CA10: variants seen among roughly 807,000 people sequenced by gnomAD.
The protein encoded by CA10 is carbonic anhydrase-related protein 10.
In CA10, 14 loss-of-function variants were observed where a neutral mutation model predicts 44.2. The ratio of observed to expected loss-of-function variants is 0.32; its 90% confidence interval spans 0.21 to 0.50. The LOEUF (loss-of-function observed/expected upper bound fraction) is 0.50, where lower values mean the gene tolerates loss of function less well. Ranked by LOEUF, CA10 falls within the 20% of genes least tolerant of loss-of-function variation. The pLI is 0.99. For missense variants in CA10, 350 were observed against 409.7 expected, an observed-to-expected ratio of 0.85 and a Z score of 1.26; for synonymous variants, 159 against 141.6, an observed-to-expected ratio of 1.12 and a Z score of -0.87.
rs1028827485 is a variant in CA10 at position 51,914,116 on chromosome 17, C to T, written c.279+16874G>A. Among the ~76,000 whole-genome samples the T allele has an allele frequency of 5.3e-5, 8 of 152,204 alleles. 1 individual carries two copies. Among genetic ancestry groups the T allele is most frequent in the Admixed American group, 2.0e-4 (3 of 15,278 alleles). On this transcript the variant is annotated intron_variant, in intron 3 of 8. Transcript: ENST00000451037. ...AAAGTTATTCCTGATCCACTCTGAGCCCTGAGGAACTTGGAAATGTGCCTA... is the reference window on the plus strand; with the variant it reads ...AAAGTTATTCCTGATCCACTCTGAGTCCTGAGGAACTTGGAAATGTGCCTA...
intron 3 of CA10, among the ~76,000 whole-genome samples, chr17:51,842,915 G>T (rs1978346318): frequency 6.6e-6 from 1 of 152,114 alleles, no homozygotes; most frequent in Non-Finnish European, 1.5e-5. Context: ...ATGCAGAATG[G>T]GTTAATTCCA....
chr17:51,994,030 CAG>C (rs1180669410), intron 2 of CA10, among the ~76,000 whole-genome samples: 1 of 151,880 alleles, frequency 6.6e-6, no homozygotes, highest in Non-Finnish European at 1.5e-5. Context: ...TGGCACGTAA[CAG>C]AGATACACAT....
intron 1 of CA10, among the ~76,000 whole-genome samples, chr17:52,080,680 G>A (rs1987950426): frequency 6.6e-6 from 1 of 151,732 alleles, no homozygotes. Flanking sequence ...CTGTCCCCAG[G>A]TATACCACGT....
At chr17:51,926,736 T>C (rs1300694165) in intron 3 of CA10, among the ~76,000 whole-genome samples, 1 of 152,212 alleles carries the variant, frequency 6.6e-6, no homozygotes, top group Non-Finnish European at 1.5e-5. Flanking sequence ...AAGGACTCTA[T>C]GGTTACAAGG....
At chr17:51,787,078 T>C (rs1239802092) in intron 3 of CA10, among the ~76,000 whole-genome samples, 3 of 152,216 alleles carry the variant, frequency 2.0e-5, no homozygotes, top group Admixed American at 2.0e-4. Context: ...GGTTTGCTAA[T>C]ATTTTGTTGA....
chr17:52,010,482 A>T lies in CA10; in HGVS notation c.136+61837T>A, dbSNP rs8070619. ...AATAATGGCATTCACAGCAACCTGGATGGAAGTGGAGATTATCAATCTAAG... is the reference window on the plus strand; with the variant it reads ...AATAATGGCATTCACAGCAACCTGGTTGGAAGTGGAGATTATCAATCTAAG... On this transcript the variant is annotated intron_variant, in intron 2 of 8. Transcript: ENST00000451037. Among the ~76,000 whole-genome samples, 561 of 152,102 alleles carry T rather than the reference A, an allele frequency of 3.7e-3. 7 individuals are homozygous for T. Among genetic ancestry groups the T allele is most frequent in the South Asian group, 0.022 (104 of 4,820 alleles).
chr17:52,023,564 T>C (rs947612570), intron 2 of CA10, among the ~76,000 whole-genome samples: 1 of 152,056 alleles, frequency 6.6e-6, no homozygotes, highest in African/African-American at 2.4e-5. Context: ...TAGCAAAGAA[T>C]TTTGACTAAG....
At chr17:52,088,150 G>C (rs1988167535) in intron 1 of CA10, among the ~76,000 whole-genome samples, 1 of 152,066 alleles carries the variant, frequency 6.6e-6, no homozygotes, top group Non-Finnish European at 1.5e-5. Flanking sequence ...CCTGGGTGAT[G>C]AAATAATCTG....
intron 2 of CA10, among the ~76,000 whole-genome samples, chr17:51,966,348 G>A (rs142551961): frequency 0.034 from 5,121 of 151,784 alleles, 121 homozygotes; most frequent in Non-Finnish European, 0.046. Flanking sequence ...CACAGAACCA[G>A]AAAAAACAAT....
chr17:51,655,950 A>C (rs901252332), intron 4 of CA10, among the ~76,000 whole-genome samples: 1 of 152,152 alleles, frequency 6.6e-6, no homozygotes, highest in African/African-American at 2.4e-5. Context: ...CCTCCGCAGG[A>C]CTTTTAATCC....
intron 2 of CA10, among the ~76,000 whole-genome samples, chr17:52,037,117 G>T (rs1362735189): frequency 6.6e-6 from 1 of 152,104 alleles, no homozygotes; most frequent in Non-Finnish European, 1.5e-5. Flanking sequence ...GTCAATTTTG[G>T]AAATCAGTGG....
intron 4 of CA10, among the ~76,000 whole-genome samples, chr17:51,663,290 G>A (rs8073534): frequency 1 from 151,767 of 151,778 alleles, 75,878 homozygotes; most frequent in Non-Finnish European, 1. Context: ...TCTTATAAAG[G>A]AGCTGCTGAA....
chr17:52,030,114 C>T (rs1004240865), intron 2 of CA10, among the ~76,000 whole-genome samples: 2 of 152,160 alleles, frequency 1.3e-5, no homozygotes, highest in African/African-American at 4.8e-5. Flanking sequence ...GGCTTCTGTC[C>T]AGCTGAGCAG....
chr17:51,988,584 G>T (rs1043166174), intron 2 of CA10, among the ~76,000 whole-genome samples: 1 of 151,832 alleles, frequency 6.6e-6, no homozygotes, highest in Non-Finnish European at 1.5e-5. Flanking sequence ...ATGCAACACT[G>T]TTGTAATAAG....
intron 1 of CA10, among the ~76,000 whole-genome samples, chr17:52,100,286 G>A (rs890207473): frequency 6.6e-6 from 1 of 152,164 alleles, no homozygotes; most frequent in Non-Finnish European, 1.5e-5. Flanking sequence ...TAGGCACAGA[G>A]ATATCATCTT....
chr17:51,812,949 G>C (rs527482861), intron 3 of CA10, among the ~76,000 whole-genome samples: 2 of 152,204 alleles, frequency 1.3e-5, no homozygotes, highest in Non-Finnish European at 2.9e-5. Flanking sequence ...CACAATAGGT[G>C]AGCCTTCCTT....
At chr17:51,794,135 G>T (rs1244697989) in intron 3 of CA10, among the ~76,000 whole-genome samples, 1 of 152,242 alleles carries the variant, frequency 6.6e-6, no homozygotes, top group Non-Finnish European at 1.5e-5. Context: ...CCCATGGAGA[G>T]AAGTTAATTA....
chr17:51,990,742 C>T (rs1186812942), intron 2 of CA10, among the ~76,000 whole-genome samples: 2 of 152,094 alleles, frequency 1.3e-5, no homozygotes, highest in African/African-American at 4.8e-5. Flanking sequence ...CTCTATTTCT[C>T]ATTTGACTGC....
At chr17:51,903,389 C>T (rs560132221) in intron 3 of CA10, among the ~76,000 whole-genome samples, 70 of 152,114 alleles carry the variant, frequency 4.6e-4, no homozygotes, top group Non-Finnish European at 9.3e-4. Flanking sequence ...CTGCCGCTTC[C>T]TTTTCCTCCT....
Sources: gnomAD v4.1 joint callset for allele counts (sites outside exome capture counted in the v4.1 genomes callset) on GRCh38, gnomAD v4.1.1 for gene constraint, MANE v1.5 for transcripts, NCBI Gene and HGNC (gene_info 2026-07-23, HGNC 2026-07-21) for gene names.